Variants in STK31 observed in about 807,000 individuals in gnomAD.
STK31 encodes serine/threonine kinase 31, also known as serine/threonine-protein kinase 31.
A neutral mutation model predicts 129.7 loss-of-function variants in STK31; 89 were observed. The ratio of observed to expected loss-of-function variants is 0.69; its 90% CI spans 0.58 to 0.82. The LOEUF is 0.82. Among genes scored for constraint, STK31 ranks in the 40% least tolerant of loss-of-function variants. The pLI, the probability that STK31 is intolerant of heterozygous loss-of-function variation, is 0.00. For missense variants in STK31, 1,187 were observed against 1,176.4 expected, an observed-to-expected ratio of 1.01 and a Z score of -0.13; for synonymous variants, 448 against 395.3, an observed-to-expected ratio of 1.13 and a Z score of -1.58.
chr7:23,761,605 A>G (rs6953823), intron 10 of STK31, among the ~76,000 whole-genome samples: 41,468 of 151,156 alleles, frequency 0.27, 5,955 homozygotes, highest in East Asian at 0.39. Flanking sequence ...TATTTTTAGT[A>G]GAGATGGGGT....
chr7:23,782,561 A>T (rs73082939), intron 16 of STK31, among the ~76,000 whole-genome samples: 15,068 of 152,106 alleles, frequency 0.099, 846 homozygotes, highest in Middle Eastern at 0.16. Flanking sequence ...TTCTTTAGCA[A>T]ATTCATCTGC....
At chr7:23,710,688 T>G in intron 1 of STK31, 1 of 1,116,216 alleles carries the variant, frequency 9.0e-7, no homozygotes, top group Non-Finnish European at 1.1e-6. Context: ...CAAATTTTCA[T>G]CACGAAGTGG....
In STK31 at chr7:23,769,136, C is replaced by G. The variant is rs1350853488; in HGVS notation, c.1558C>G (p.Leu520Val). The change falls in exon 12 of 24, where the codon CTG (leucine) becomes GTG (valine). Residue 520 changes from leucine (L) to valine (V), a missense_variant. Physicochemically the swap from Leu to Val is conservative, Grantham distance 32. Transcript: ENST00000355870. ...TGTTAGAAGTGAAACAGACGCTTCTCTGCACCGTCTTGTAGCATGGTTCCA... is the reference window on the plus strand; with the variant it reads ...TGTTAGAAGTGAAACAGACGCTTCTGTGCACCGTCTTGTAGCATGGTTCCA... Reference protein sequence around the residue: ...TSVRSETDASLHRLVAWFQRT... With the variant: ...TSVRSETDASVHRLVAWFQRT... The G allele has an allele frequency of 6.2e-7, 1 of 1,611,038 alleles. No individual in the cohort carries two copies. The highest frequency in any genetic ancestry group is 1.1e-5 in the South Asian group (1 of 90,222).
At chr7:23,783,771 C>T (rs532409061) in intron 17 of STK31, 108 bp downstream of exon 17, 4 of 819,350 alleles carry the variant, frequency 4.9e-6, no homozygotes, top group East Asian at 2.7e-5. Flanking sequence ...AATAAAAATA[C>T]TCCTGATGAA....
At chr7:23,766,282 A>C (rs1261477944) in intron 11 of STK31, among the ~76,000 whole-genome samples, 1 of 152,130 alleles carries the variant, frequency 6.6e-6, no homozygotes, top group Non-Finnish European at 1.5e-5. Context: ...TATTTATTTG[A>C]GACAGAGTCT....
At chr7:23,710,182 C>T (rs1785834995), upstream of STK31, 3 of 1,588,524 alleles carry the variant, frequency 1.9e-6, no homozygotes, top group Middle Eastern at 2.3e-4. Context: ...CGGATGATGG[C>T]GCAGCGCTGT....
chr7:23,725,068 T>C (rs1300360253), intron 4 of STK31, among the ~76,000 whole-genome samples: 2 of 152,284 alleles, frequency 1.3e-5, no homozygotes, highest in East Asian at 3.9e-4. Flanking sequence ...TAATGGGCCT[T>C]CTCCCCTTCA....
At chr7:23,828,396 G>A (rs1794312535) in intron 23 of STK31, among the ~76,000 whole-genome samples, 1 of 152,236 alleles carries the variant, frequency 6.6e-6, no homozygotes, top group Admixed American at 6.5e-5. Context: ...TCCGAGCCAT[G>A]TGCCGGATAT....
At chr7:23,829,313 G>A (rs377138025) in intron 23 of STK31, among the ~76,000 whole-genome samples, 6 of 152,074 alleles carry the variant, frequency 3.9e-5, no homozygotes, top group South Asian at 2.1e-4. Context: ...TACCTAGTTT[G>A]TTGAGAGCTT....
chr7:23,710,319 G>A lies in STK31; in HGVS notation c.34G>A (p.Ala12Thr), dbSNP rs763159094. 1.2e-6 allele frequency: 2 copies of A among 1,613,292 alleles called. No individual in the cohort carries two copies. Among genetic ancestry groups the A allele is most frequent in the Non-Finnish European group, 1.7e-6 (2 of 1,179,930 alleles). ...WVQGHSSRAS[A>T]TESVSFSGIV... ...CCAGGGTCACTCTTCTAGAGCTTCC[G>A]CAACGGAAAGTGTGAGGTCAGTAGT... The change falls in exon 1 of 24, where the codon GCA becomes ACA. Residue 12 changes from alanine (A) to threonine (T), a missense_variant. Coordinates refer to ENST00000355870, the MANE Select transcript of STK31 (RefSeq NM_031414.5).
upstream of STK31, chr7:23,710,093 C>T: frequency 2.2e-6 from 2 of 929,480 alleles, no homozygotes; most frequent in South Asian, 3.3e-5. Context: ...TGGGGGTCGG[C>T]AGCAGCCAGC....
chr7:23,731,902 A>G (rs1025810140), intron 6 of STK31, among the ~76,000 whole-genome samples: 8 of 152,256 alleles, frequency 5.3e-5, no homozygotes, highest in Non-Finnish European at 8.8e-5. Context: ...TTGTTTCTGA[A>G]TGAAGCTTAC....
chr7:23,769,366 A>G (rs1395891027), intron 12 of STK31, among the ~76,000 whole-genome samples, 192 bp downstream of exon 12: 1 of 151,224 alleles, frequency 6.6e-6, no homozygotes, highest in Non-Finnish European at 1.5e-5. Flanking sequence ...CAAAAAAATC[A>G]TATCGGTCTT....
chr7:23,769,097 G>C lies in STK31; in HGVS notation c.1519G>C (p.Glu507Gln). The C allele has an allele frequency of 6.2e-7, 1 of 1,613,312 alleles. No individual in the cohort carries two copies. The highest frequency in any genetic ancestry group is 2.2e-5 in the East Asian group (1 of 44,868). The change falls in exon 12 of 24, where the codon GAG becomes CAG. Residue 507 changes from glutamate (E) to glutamine (Q), a missense_variant. Physicochemically the swap from Glu to Gln is conservative, Grantham distance 29. This residue lies in a region of STK31 where 975 missense variants were observed against 934.9 expected (regional missense o/e 1.04). Transcript: ENST00000355870. The part of the protein sequence containing the change: ...KFYDWKCDKR[E>Q]EFTSVRSETD... ...TTATGACTGGAAGTGTGATAAAAGAGAGGAGTTCACCAGTGTTAGAAGTGA... is the reference window on the plus strand; with the variant it reads ...TTATGACTGGAAGTGTGATAAAAGACAGGAGTTCACCAGTGTTAGAAGTGA...
rs925594269 is a variant in STK31, at chr7:23,752,710, G to T, written c.1018-7G>T. Reference sequence around the variant, plus strand: ...TCTCACGAGAATGTGTTTATTCTTTGTTTCAGCAAGAGAAGGCAGCTGCTG... The same window carrying T: ...TCTCACGAGAATGTGTTTATTCTTTTTTTCAGCAAGAGAAGGCAGCTGCTG... On this transcript the variant is annotated splice_polypyrimidine_tract_variant and splice_region_variant and intron_variant, in intron 8 of 23. Transcript: ENST00000355870. The T allele has an allele frequency of 5.0e-6, 8 of 1,595,362 alleles. No homozygotes were observed. In the African/African-American group the frequency reaches 5.4e-5, roughly 11 times the overall value.
chr7:23,720,313 C>T (rs1457313163), intron 4 of STK31, among the ~76,000 whole-genome samples: 1 of 152,144 alleles, frequency 6.6e-6, no homozygotes, highest in Non-Finnish European at 1.5e-5. Flanking sequence ...TCTAGGCAAG[C>T]TTAGCCCTAC....
chr7:23,718,785 C>T (rs1217242954), intron 4 of STK31, among the ~76,000 whole-genome samples: 2 of 152,118 alleles, frequency 1.3e-5, no homozygotes, highest in Admixed American at 6.5e-5. Context: ...TTTAACTACT[C>T]TGAATGAAAC....
intron 23 of STK31, among the ~76,000 whole-genome samples, chr7:23,819,812 T>A (rs1031792946): frequency 6.6e-6 from 1 of 152,130 alleles, no homozygotes; most frequent in Non-Finnish European, 1.5e-5. Context: ...CAGGATCATT[T>A]ACATGTTCTA....
intron 4 of STK31, among the ~76,000 whole-genome samples, chr7:23,720,745 A>T (rs957629442): frequency 6.6e-6 from 1 of 152,176 alleles, no homozygotes; most frequent in African/African-American, 2.4e-5. Flanking sequence ...GGACTGTAAA[A>T]TTTCATAAAA....
Sources: allele counts gnomAD v4.1 joint callset (sites outside exome capture counted in the v4.1 genomes callset), GRCh38; gene constraint gnomAD v4.1.1; regional missense constraint gnomAD v4.1.1; transcripts MANE v1.5; gene names NCBI Gene and HGNC (gene_info 2026-07-23, HGNC 2026-07-21).